Variants in WT1 observed in about 807,000 individuals in gnomAD.
WT1 encodes Wilms tumor protein.
In WT1, 8 loss-of-function variants were observed where a neutral mutation model predicts 60.8. The observed-to-expected ratio is 0.13, with a 90% CI of 0.08 to 0.24. The LOEUF is 0.24. Ranked by LOEUF, WT1 falls within the 10% of genes least tolerant of loss-of-function variation. The probability of loss-of-function intolerance (pLI) is 1.00; values close to 1 mark genes in which losing one functional copy is unlikely to be tolerated. For missense variants in WT1, 568 were observed against 711.8 expected (o/e 0.80, Z 2.30); for synonymous variants, 312 against 297.1 (o/e 1.05, Z -0.52).
At position 32,388,764 on chromosome 11, in the gene WT1, A is replaced by G. The variant is rs905497414; in HGVS notation, c.*294T>C. On this transcript the variant is annotated 3_prime_UTR_variant, in exon 10 of 10. Transcript: ENST00000452863. ...AAGGGTCAGGGGGACATGATCAGCT[A>G]TGGCTCTTCTTACAGTAGAAAATCC... 18 of 506,422 alleles carry G rather than the reference A, an allele frequency of 3.6e-5. No individual in the cohort carries two copies. The highest frequency in any genetic ancestry group is 5.7e-5 in the Non-Finnish European group (16 of 278,434). 31.4% of individuals were successfully genotyped at this position (506,422 alleles called of 1,614,324 possible).
At chr11:32,413,798 T>G (rs1223153077) in intron 5 of WT1, among the ~76,000 whole-genome samples, 1 of 152,208 alleles carries the variant, frequency 6.6e-6, no homozygotes, top group African/African-American at 2.4e-5. Context: ...CTAACTGTGG[T>G]CACAGTCTAA....
At chr11:32,411,616 C>A (rs72909430) in intron 5 of WT1, among the ~76,000 whole-genome samples, 3,573 of 152,184 alleles carry the variant, frequency 0.023, 61 homozygotes, top group Non-Finnish European at 0.037. Flanking sequence ...ATACACATTA[C>A]TTACATAATA....
intron 5 of WT1, among the ~76,000 whole-genome samples, chr11:32,406,191 A>C (rs147801140): frequency 0.014 from 2,102 of 151,972 alleles, 57 homozygotes; most frequent in African/African-American, 0.048. Flanking sequence ...ACCAGGGACC[A>C]GTTTTCTGGA....
intron 1 of WT1, chr11:32,428,880 C>T (rs5030162): frequency 3.6e-6 from 2 of 554,110 alleles, no homozygotes; most frequent in East Asian, 3.2e-5. Context: ...ATTTATGCCG[C>T]AGTCTTCTAC....
chr11:32,396,816 C>G (rs1323372409), intron 6 of WT1, among the ~76,000 whole-genome samples: 1 of 152,160 alleles, frequency 6.6e-6, no homozygotes, highest in Non-Finnish European at 1.5e-5. Context: ...GAGTCATGAC[C>G]ACATGACCTA....
chr11:32,426,896 G>C (rs1590391741), intron 3 of WT1, among the ~76,000 whole-genome samples: 2 of 152,032 alleles, frequency 1.3e-5, no homozygotes, highest in East Asian at 3.9e-4. Context: ...CTCCACCTGC[G>C]GGACTGGACA....
chr11:32,435,484 G>T lies in WT1; in HGVS notation c.-124C>A. On this transcript the variant is annotated 5_prime_UTR_variant, in exon 1 of 10. Coordinates refer to ENST00000452863, the MANE Select transcript of WT1 (RefSeq NM_024426.6). ...AGTGGGGGAGCGGACAGGCGGTCGG[G>T]TTGCGGAGAGCCCCCGGGTGTGGGC... 7.1e-7 allele frequency: 1 copy of T among 1,418,372 alleles called. No homozygotes were observed. Among genetic ancestry groups the T allele is most frequent in the Non-Finnish European group, 9.4e-7 (1 of 1,062,328 alleles). The allele number at this position is 1,418,372 out of a possible 1,614,324, so 87.9% of individuals were successfully genotyped here. A position where few individuals can be genotyped will look rare whatever the true frequency, so the allele number is the denominator to read the frequency against.
At chr11:32,427,580 C>T (rs1199321888) in intron 3 of WT1, among the ~76,000 whole-genome samples, 2 of 152,152 alleles carry the variant, frequency 1.3e-5, no homozygotes, top group African/African-American at 4.8e-5. Flanking sequence ...GGTAGTCTGG[C>T]CGGTGTGGCC....
At position 32,388,791 on chromosome 11, in the gene WT1, C is replaced by G. The variant is rs5030317; in HGVS notation, c.*267G>C. ...GGCTCTTCTTACAGTAGAAAATCCA[C>G]ACCAAATGGCAATGGGCTTTTAACT... On this transcript the variant is annotated 3_prime_UTR_variant, in exon 10 of 10. Transcript: ENST00000452863. 204,958 of 550,248 alleles carry G rather than the reference C, an allele frequency of 0.37. 46,812 individuals carry two copies. Among genetic ancestry groups the G allele is most frequent in the African/African-American group, 0.76 (40,466 of 53,220 alleles). The allele number at this position is 550,248 out of a possible 1,614,324, so 34.1% of individuals were successfully genotyped here. A position where few individuals can be genotyped will look rare whatever the true frequency, so the allele number is the denominator to read the frequency against.
chr11:32,419,693 A>C (rs2133044119), intron 3 of WT1, among the ~76,000 whole-genome samples: 1 of 152,308 alleles, frequency 6.6e-6, no homozygotes. Flanking sequence ...CCAAAGAGAA[A>C]ATAAACATTT....
chr11:32,401,853 TA>T (rs1484409002), intron 5 of WT1, among the ~76,000 whole-genome samples: 1 of 152,168 alleles, frequency 6.6e-6, no homozygotes, highest in Non-Finnish European at 1.5e-5. Context: ...TCAGCATTTT[TA>T]AAAGCCTCCA....
intron 5 of WT1, among the ~76,000 whole-genome samples, chr11:32,407,368 T>A (rs1167925921): frequency 6.6e-6 from 1 of 152,004 alleles, no homozygotes; most frequent in Non-Finnish European, 1.5e-5. Flanking sequence ...GTTTTACAGA[T>A]GAGGAAAACC....
At chr11:32,400,430 T>G in intron 5 of WT1, 1 of 362,772 alleles carries the variant, frequency 2.8e-6, no homozygotes, top group Non-Finnish European at 5.4e-6. Flanking sequence ...TCACGTTAAG[T>G]GCACTGAATT....
rs1358978331 is a variant in WT1 at position 32,408,137 on chromosome 11, C to T, written c.1017-8093G>A. ...ACTCGGGAGGCTAAGGCAGGGGAAT[C>T]GCTTGAACCAGGGAGTCGGAAGTTG... On this transcript the variant is annotated intron_variant, in intron 5 of 9. Coordinates refer to ENST00000452863, the MANE Select transcript of WT1 (RefSeq NM_024426.6). Among the ~76,000 whole-genome samples the T allele has an allele frequency of 2.7e-5, 4 of 150,482 alleles. No homozygotes were observed. The Admixed American group carries it at 2.7e-4, about 10-fold the overall frequency.
intron 5 of WT1, among the ~76,000 whole-genome samples, chr11:32,402,776 C>CCTGGG (rs2132972138): frequency 6.6e-6 from 1 of 152,326 alleles, no homozygotes; most frequent in South Asian, 2.1e-4. Flanking sequence ...GTCTCAAACT[C>CCTGGG]CTGGGCTCAA....
intron 5 of WT1, among the ~76,000 whole-genome samples, chr11:32,406,858 G>C (rs984235782): frequency 6.6e-6 from 1 of 152,120 alleles, no homozygotes. Context: ...CAGCACTTTG[G>C]GAGGCCGAGG....
intron 8 of WT1, 69 bp downstream of exon 8, chr11:32,392,597 A>G: frequency 6.8e-7 from 1 of 1,464,146 alleles, no homozygotes; most frequent in Non-Finnish European, 9.6e-7. Context: ...TCAACAACAA[A>G]GAGAATCATG....
intron 3 of WT1, among the ~76,000 whole-genome samples, chr11:32,422,408 C>A (rs1009979136): frequency 6.6e-6 from 1 of 152,202 alleles, no homozygotes; most frequent in African/African-American, 2.4e-5. Flanking sequence ...CCCTGGAAGC[C>A]GTTTCAGACC....
At chr11:32,414,267 T>A (rs959462408) in intron 5 of WT1, among the ~76,000 whole-genome samples, 2 of 151,994 alleles carry the variant, frequency 1.3e-5, no homozygotes, top group African/African-American at 4.8e-5. Context: ...ATATATATTG[T>A]GTTTGTTTGT....
Sources: gnomAD v4.1 joint callset for allele counts (sites outside exome capture counted in the v4.1 genomes callset) on GRCh38, gnomAD v4.1.1 for gene constraint, MANE v1.5 for transcripts, NCBI Gene and HGNC (gene_info 2026-07-23, HGNC 2026-07-21) for gene names.